ESCO1: variants seen among roughly 807,000 people sequenced by gnomAD.
ESCO1 encodes N-acetyltransferase ESCO1.
ESCO1 carries 33 observed loss-of-function variants against 83.5 expected under a neutral mutation model. The observed-to-expected ratio is 0.40, with a 90% CI of 0.30 to 0.53. The LOEUF (loss-of-function observed/expected upper bound fraction) is 0.53, where lower values mean the gene tolerates loss of function less well. Among genes scored for constraint, ESCO1 ranks in the 20% least tolerant of loss-of-function variants. ESCO1 has a pLI of 0.63. For missense variants in ESCO1, 855 were observed against 968.0 expected (o/e 0.88, Z 1.55); for synonymous variants, 332 against 324.3 (o/e 1.02, Z -0.25).
At chr18:21,596,452 G>A (rs749852107) in intron 1 of ESCO1, among the ~76,000 whole-genome samples, 2 of 152,044 alleles carry the variant, frequency 1.3e-5, no homozygotes, top group East Asian at 1.9e-4. Flanking sequence ...AAAAGCTCCT[G>A]ATATATCACC....
intron 9 of ESCO1, among the ~76,000 whole-genome samples, chr18:21,539,049 G>T (rs913581894): frequency 1.3e-5 from 2 of 151,618 alleles, no homozygotes; most frequent in African/African-American, 4.9e-5. Flanking sequence ...CTCTAAGTTA[G>T]ACTAACACCT....
chr18:21,575,696 C>T lies in ESCO1; in HGVS notation c.-612G>A, dbSNP rs145443445. 2.3e-3 allele frequency: 899 copies of T among 398,338 alleles called. 19 individuals carry two copies. In the East Asian group the frequency reaches 0.025, roughly 11 times the overall value. The allele number at this position is 398,338 out of a possible 1,614,324, so 24.7% of individuals were successfully genotyped here. ...CAGTTTTTGCCCCAAAATATAGACT[C>T]GATGTCTCAGCCACCATAACTCATG... On this transcript the variant is annotated 5_prime_UTR_variant, in exon 3 of 12. Transcript: ENST00000269214.
intron 8 of ESCO1, among the ~76,000 whole-genome samples, chr18:21,544,091 G>C (rs555804744): frequency 3.9e-5 from 6 of 152,010 alleles, no homozygotes; most frequent in African/African-American, 1.4e-4. Context: ...GGCTAACACG[G>C]TGAAACCCTG....
chr18:21,539,893 C>G (rs756052032), intron 9 of ESCO1, 27 bp downstream of exon 9: 1 of 1,576,738 alleles, frequency 6.3e-7, no homozygotes, highest in African/African-American at 1.4e-5. Context: ...ATTATCCACT[C>G]TACATGAAGT....
intron 8 of ESCO1, among the ~76,000 whole-genome samples, chr18:21,552,359 T>C (rs1165316532): frequency 2.0e-5 from 3 of 152,178 alleles, no homozygotes; most frequent in Non-Finnish European, 1.5e-5. Context: ...AATTGACTCA[T>C]GGGGGTAGTT....
chr18:21,557,957 GTTTTTTGGC>G (rs953366548), intron 8 of ESCO1, among the ~76,000 whole-genome samples: 13 of 151,232 alleles, frequency 8.6e-5, no homozygotes, highest in African/African-American at 3.2e-4. Context: ...TTCCTAAATA[GTTTTTTGGC>G]TTTTTTGTTT....
At chr18:21,553,117 T>G (rs1183253165) in intron 8 of ESCO1, among the ~76,000 whole-genome samples, 1 of 152,032 alleles carries the variant, frequency 6.6e-6, no homozygotes, top group Non-Finnish European at 1.5e-5. Flanking sequence ...TAGGGAAACC[T>G]CAACTCTACA....
At chr18:21,593,414 C>A in intron 1 of ESCO1, 1 of 155,038 alleles carries the variant, frequency 6.5e-6, no homozygotes. Context: ...ACAGCGAAAC[C>A]CCGTCTCCAC....
intron 1 of ESCO1, among the ~76,000 whole-genome samples, chr18:21,584,957 T>C (rs1191867776): frequency 1.3e-5 from 2 of 152,006 alleles, no homozygotes; most frequent in Admixed American, 6.6e-5. Flanking sequence ...ATGGCCAAGA[T>C]GGTGAAGCCC....
chr18:21,588,738 A>C (rs923779559), intron 1 of ESCO1, among the ~76,000 whole-genome samples: 1 of 151,122 alleles, frequency 6.6e-6, no homozygotes, highest in Non-Finnish European at 1.5e-5. Flanking sequence ...ACAACATGGC[A>C]AAACCCTATC....
chr18:21,532,490 G>A lies in ESCO1; in HGVS notation c.2358C>T (p.Arg786=), dbSNP rs2037779739. ...CAAGTTACCTTAGGCATTCAATCAT[G>A]CGAGAAGCAATTTTCTTCCGACGCA... ...SMMRRKKIAS[R]MIECLRSNFI... Residue 786 remains arginine (R), a synonymous_variant, in exon 11 of 12, where the codon CGC becomes CGT. Coordinates refer to ENST00000269214, the MANE Select transcript of ESCO1 (RefSeq NM_052911.3). 3 of 1,612,614 alleles carry A rather than the reference G, an allele frequency of 1.9e-6. No individual in the cohort carries two copies. The South Asian group carries it at 3.3e-5, about 18-fold the overall frequency.
chr18:21,561,251 A>G (rs1007804171), intron 7 of ESCO1, among the ~76,000 whole-genome samples: 1 of 152,228 alleles, frequency 6.6e-6, no homozygotes, highest in Non-Finnish European at 1.5e-5. Context: ...TTACAAACTT[A>G]GTCCTAAAGC....
Position 21,573,945 on chromosome 18 carries a change from C to G in ESCO1, c.899G>C (p.Arg300Pro). Reference sequence around the variant, plus strand: ...TTCACAGAGCTGGAGAATACTACCTCGTTTGCTCTTTCCTGCTTGCTCCAG... The same window carrying G: ...TTCACAGAGCTGGAGAATACTACCTGGTTTGCTCTTTCCTGCTTGCTCCAG... Reference protein sequence around the residue: ...NELEQAGKSKRGSILQLCEEI... With the variant: ...NELEQAGKSKPGSILQLCEEI... Residue 300 changes from arginine to proline, a missense_variant, in exon 4 of 12, where the codon CGA becomes CCA. Around this residue, in one of 2 missense-constraint regions of ESCO1, gnomAD observed 726 missense variants for 699.5 expected, o/e 1.04. Transcript: ENST00000269214. 1 of 1,614,016 alleles carries G rather than the reference C, an allele frequency of 6.2e-7. No homozygotes were observed. Among genetic ancestry groups the G allele is most frequent in the Non-Finnish European group, 8.5e-7 (1 of 1,180,024 alleles).
chr18:21,561,015 T>C, intron 7 of ESCO1, 25 bp from the exon 8 acceptor site: 1 of 1,565,814 alleles, frequency 6.4e-7, no homozygotes. Context: ...CACACAAAAG[T>C]TTTTTTCCTC....
chr18:21,549,478 G>A (rs1231690225), intron 8 of ESCO1, among the ~76,000 whole-genome samples: 1 of 152,036 alleles, frequency 6.6e-6, no homozygotes, highest in South Asian at 2.1e-4. Flanking sequence ...GCAGTGGCAC[G>A]ATCTCAGCTC....
intron 8 of ESCO1, among the ~76,000 whole-genome samples, chr18:21,558,943 T>C (rs185921998): frequency 3.3e-4 from 51 of 152,258 alleles, no homozygotes; most frequent in African/African-American, 1.2e-3. Context: ...AATTAAGATA[T>C]TTTGTCAAGC....
chr18:21,590,423 T>C (rs1399444704), intron 1 of ESCO1, among the ~76,000 whole-genome samples: 3 of 150,246 alleles, frequency 2.0e-5, no homozygotes, highest in Admixed American at 2.0e-4. Flanking sequence ...GGTTTCACCA[T>C]ATTGGCCAGG....
chr18:21,570,869 C>T (rs1347972062), intron 4 of ESCO1, among the ~76,000 whole-genome samples: 1 of 151,728 alleles, frequency 6.6e-6, no homozygotes, highest in Non-Finnish European at 1.5e-5. Context: ...CTCAGCTACT[C>T]AGGAGGCTGA....
intron 4 of ESCO1, among the ~76,000 whole-genome samples, chr18:21,572,521 T>C (rs2038354393): frequency 6.6e-6 from 1 of 152,210 alleles, no homozygotes; most frequent in South Asian, 2.1e-4. Flanking sequence ...CTGAATTATT[T>C]ATACCTCTCA....
Sources: allele counts gnomAD v4.1 joint callset (sites outside exome capture counted in the v4.1 genomes callset), GRCh38; gene constraint gnomAD v4.1.1; regional missense constraint gnomAD v4.1.1; transcripts MANE v1.5; gene names NCBI Gene and HGNC (gene_info 2026-07-23, HGNC 2026-07-21).